Variants in ZNF705G observed in about 807,000 individuals in gnomAD.
The protein encoded by ZNF705G is putative zinc finger protein 705G.
Under a neutral mutation model 19.6 loss-of-function variants are expected in ZNF705G, and 23 were observed. That is an observed-to-expected ratio of 1.17 (90% CI 0.84 to 1.66). ZNF705G has a LOEUF of 1.66. Ranked by LOEUF, ZNF705G falls within the 40% of genes most tolerant of loss-of-function variation. ZNF705G has a pLI of 0.00. For missense variants in ZNF705G, 457 were observed against 354.4 expected (o/e 1.29, Z -2.32); for synonymous variants, 146 against 117.7 (o/e 1.24, Z -1.56).
chr8:7,365,217 C>A (rs1445692696), intron 2 of ZNF705G, among the ~76,000 whole-genome samples: 1 of 149,326 alleles, frequency 6.7e-6, no homozygotes, highest in Non-Finnish European at 1.5e-5. Context: ...TTAGGAGAAA[C>A]TTAAAAACTT....
Position 7,360,300 on chromosome 8 carries a change from G to T in ZNF705G, c.172C>A (p.Gln58Lys). Residue 58 changes from glutamine (Q) to lysine (K), a missense_variant, in exon 5 of 7, where the codon CAG becomes AAG. Coordinates refer to ENST00000400156, the MANE Select transcript of ZNF705G (RefSeq NM_001164457.3). ...YQISKSYIIL[Q>K]LEQGKELWRE... The stretch of plus-strand genomic sequence containing the variant: ...CACAGCTCTTTTCCTTGCTCCAGCT[G>T]CAAAATTATATAGGATTTGCTTATC... 1 of 1,590,648 alleles carries T rather than the reference G, an allele frequency of 6.3e-7. No homozygotes were observed. The highest frequency in any genetic ancestry group is 1.7e-5 in the Admixed American group (1 of 59,882).
At chr8:7,361,292 A>G (rs1236096765) in intron 3 of ZNF705G, 56 bp from the exon 4 acceptor site, 79 of 1,592,004 alleles carry the variant, frequency 5.0e-5, no homozygotes, top group Non-Finnish European at 6.5e-5. Context: ...AATGTCCGGA[A>G]GAGGAAGGCT....
rs140787597 is a variant in ZNF705G, at chr8:7,359,775, C to T, written c.236-74G>A. On this transcript the variant is annotated intron_variant, in intron 5 of 6. Coordinates refer to ENST00000400156, the MANE Select transcript of ZNF705G (RefSeq NM_001164457.3). Reference sequence around the variant, plus strand: ...ATTGTTTGAAAAGCCCCAAAGCCCACGTACTTTTTTCAAAAATTGACACGT... The same window carrying T: ...ATTGTTTGAAAAGCCCCAAAGCCCATGTACTTTTTTCAAAAATTGACACGT... 1.1e-3 allele frequency: 1,806 copies of T among 1,598,630 alleles called. 18 individuals carry two copies. Among genetic ancestry groups the T allele is most frequent in the Non-Finnish European group, 1.4e-3 (1,697 of 1,175,092 alleles).
chr8:7,360,978 C>T (rs529349404), intron 4 of ZNF705G, 132 bp downstream of exon 4: 1 of 1,536,844 alleles, frequency 6.5e-7, no homozygotes, highest in South Asian at 1.2e-5. Context: ...AGAGTTCAAA[C>T]CTTTTTCAGA....
chr8:7,371,407 G>A lies in ZNF705G; in HGVS notation c.-71-8390C>T, dbSNP rs1474017606. On this transcript the variant is annotated intron_variant, in intron 2 of 6. Transcript: ENST00000400156. ...TCTCGTTTACAGCATAGTGCTTACA[G>A]CTAAGAATACTGTATTACATACTTA... is the stretch of plus-strand genomic sequence containing the variant. Among the ~76,000 whole-genome samples the A allele has an allele frequency of 1.4e-5, 2 of 141,572 alleles. 1 individual carries two copies. The highest frequency in any genetic ancestry group is 5.5e-5 in the African/African-American group (2 of 36,096). 92.9% of individuals were successfully genotyped at this position (141,572 alleles called of 152,430 possible).
rs1446477202 is a variant in ZNF705G at position 7,363,608 on chromosome 8, G to A, written c.-71-591C>T. The stretch of plus-strand genomic sequence containing the variant: ...GGCCAAGGCACGTGGATCACCTGAG[G>A]TCAAGTGTTCGAGACTAGCCTGGCC... On this transcript the variant is annotated intron_variant, in intron 2 of 6. Coordinates refer to ENST00000400156, the MANE Select transcript of ZNF705G (RefSeq NM_001164457.3). Among the ~76,000 whole-genome samples the A allele has an allele frequency of 1.3e-5, 2 of 149,546 alleles. 1 individual carries two copies. Among genetic ancestry groups the A allele is most frequent in the Admixed American group, 1.3e-4 (2 of 15,234 alleles).
rs1451149104 is a variant in ZNF705G, at chr8:7,356,735, AG to A, written c.*1240del. On this transcript the variant is annotated 3_prime_UTR_variant, in exon 7 of 7. Coordinates refer to ENST00000400156, the MANE Select transcript of ZNF705G (RefSeq NM_001164457.3). ...ACCAAGAATCTCACCCAAGGAGTGC[AG>A]GTGCAAATCCATTTGTTAGGGCCGC... 1 of 149,832 alleles carries A rather than the reference AG, an allele frequency of 6.7e-6. No homozygotes were observed. Among genetic ancestry groups the A allele is most frequent in the East Asian group, 1.9e-4 (1 of 5,192 alleles). 9.3% of individuals were successfully genotyped at this position (149,832 alleles called of 1,614,324 possible). A position where few individuals can be genotyped will look rare whatever the true frequency, so the allele number is the denominator to read the frequency against.
intron 2 of ZNF705G, among the ~76,000 whole-genome samples, chr8:7,370,894 T>A (rs1340895707): frequency 1.7e-5 from 2 of 118,772 alleles, no homozygotes; most frequent in South Asian, 5.6e-4. Flanking sequence ...TAAAAAGGAA[T>A]GAGATCATGT....
At position 7,374,300 on chromosome 8, in the gene ZNF705G, A is replaced by G. The variant is rs1807183413; in HGVS notation, c.-72+7152T>C. On this transcript the variant is annotated intron_variant, in intron 2 of 6. Coordinates refer to ENST00000400156, the MANE Select transcript of ZNF705G (RefSeq NM_001164457.3). ...TTAAATAGTCATCCTGGCTAAATAC[A>G]TGGGTTTGATTTTTTTAATCAGTTA... Among the ~76,000 whole-genome samples the G allele has an allele frequency of 1.1e-3, 2 of 1,866 alleles. 1 individual carries two copies. Among genetic ancestry groups the G allele is most frequent in the Non-Finnish European group, 1.7e-3 (2 of 1,204 alleles). 1.2% of individuals were successfully genotyped at this position (1,866 alleles called of 152,430 possible).
chr8:7,369,782 A>C (rs1807013982), intron 2 of ZNF705G, among the ~76,000 whole-genome samples: 1 of 149,344 alleles, frequency 6.7e-6, no homozygotes, highest in Non-Finnish European at 1.5e-5. Flanking sequence ...AAAATAATGC[A>C]GGAAGAGAAA....
At chr8:7,369,240 C>A (rs1159594871) in intron 2 of ZNF705G, among the ~76,000 whole-genome samples, 1 of 149,518 alleles carries the variant, frequency 6.7e-6, no homozygotes, top group Non-Finnish European at 1.5e-5. Context: ...GGTGGGGACA[C>A]AGAGCCAAAC....
intron 2 of ZNF705G, among the ~76,000 whole-genome samples, chr8:7,379,560 A>C (rs1807397361): frequency 6.8e-6 from 1 of 147,180 alleles, no homozygotes; most frequent in African/African-American, 2.7e-5. Flanking sequence ...AGAATTCAGC[A>C]GCAAAGTGAT....
intron 2 of ZNF705G, among the ~76,000 whole-genome samples, chr8:7,369,318 G>A (rs1806994940): frequency 6.7e-6 from 1 of 149,562 alleles, no homozygotes; most frequent in Non-Finnish European, 1.5e-5. Context: ...ATAGAAGTCT[G>A]CTGGGGTGGA....
At position 7,369,616 on chromosome 8, in the gene ZNF705G, T is replaced by C. The variant is rs1264541764; in HGVS notation, c.-71-6599A>G. 2.0e-5 allele frequency among the ~76,000 whole-genome samples: 3 copies of C among 149,686 alleles called. No homozygotes were observed. In the East Asian group the frequency reaches 5.8e-4, roughly 29 times the overall value. ...TGCACTCATATATTTATTATAGCAT[T>C]ATTTGCAATAGCAAAGACATGGAAT... On this transcript the variant is annotated intron_variant, in intron 2 of 6. Transcript: ENST00000400156.
rs1156723731 is a variant in ZNF705G at position 7,376,504 on chromosome 8, C to A, written c.-72+4948G>T. The stretch of plus-strand genomic sequence containing the variant: ...TCAGAATTAAAACACTTTTCAAACT[C>A]AGTACCTCAGAGTGTGTGGCCTATC... On this transcript the variant is annotated intron_variant, in intron 2 of 6. Transcript: ENST00000400156. Among the ~76,000 whole-genome samples the A allele has an allele frequency of 1.1e-4, 13 of 117,182 alleles. 2 individuals are homozygous for A. The highest frequency in any genetic ancestry group is 3.8e-3 in the Middle Eastern group (1 of 260). The allele number at this position is 117,182 out of a possible 152,430, so 76.9% of individuals were successfully genotyped here.
At position 7,360,291 on chromosome 8, in the gene ZNF705G, G is replaced by A. The variant is rs993505805; in HGVS notation, c.181C>T (p.Gln61Ter). Residue 61 changes from glutamine (Q) to a stop codon, truncating the protein, a stop_gained, in exon 5 of 7, where the codon CAA (glutamine) becomes TAA (stop). Transcript: ENST00000400156. LOFTEE classifies it high-confidence loss of function. ...SKSYIILQLE[Q>*]GKELWREGRV... ...CCTTCCCTCCACAGCTCTTTTCCTT[G>A]CTCCAGCTGCAAAATTATATAGGAT... 1 of 1,591,020 alleles carries A rather than the reference G, an allele frequency of 6.3e-7. No individual in the cohort carries two copies. The highest frequency in any genetic ancestry group is 8.5e-7 in the Non-Finnish European group (1 of 1,178,960).
At chr8:7,380,418 G>A (rs2128847691) in intron 2 of ZNF705G, among the ~76,000 whole-genome samples, 1 of 147,652 alleles carries the variant, frequency 6.8e-6, no homozygotes, top group South Asian at 2.1e-4. Context: ...GGTGGTGCCT[G>A]TGCACATTGT....
chr8:7,361,338 C>T lies in ZNF705G; in HGVS notation c.13-102G>A. 3 of 1,582,120 alleles carry T rather than the reference C, an allele frequency of 1.9e-6. 1 individual carries two copies. The highest frequency in any genetic ancestry group is 2.6e-6 in the Non-Finnish European group (3 of 1,174,510). On this transcript the variant is annotated intron_variant, in intron 3 of 6. Transcript: ENST00000400156. ...AGCTAGCAGCTGGGTATGCAGAATA[C>T]TCAGTGTTTTGGGTTCCAGCCAGTT...
chr8:7,368,735 T>C (rs1160684683), intron 2 of ZNF705G, among the ~76,000 whole-genome samples: 1 of 149,652 alleles, frequency 6.7e-6, no homozygotes, highest in Non-Finnish European at 1.5e-5. Context: ...GGAAGAATCA[T>C]TTTGTGAGCT....
Sources: allele counts gnomAD v4.1 joint callset (sites outside exome capture counted in the v4.1 genomes callset), GRCh38; gene constraint gnomAD v4.1.1; transcripts MANE v1.5; gene names NCBI Gene and HGNC (gene_info 2026-07-23, HGNC 2026-07-21).